The following MUC12 variants were observed in gnomAD, a reference collection of about 807,000 sequenced individuals.
The protein encoded by MUC12 is mucin 12, cell surface associated.
A neutral mutation model predicts 230.8 loss-of-function variants in MUC12; 172 were observed. The ratio of observed to expected loss-of-function variants is 0.75; its 90% CI spans 0.66 to 0.85. The LOEUF (loss-of-function observed/expected upper bound fraction) is 0.85. Among genes scored for constraint, MUC12 ranks in the 40% least tolerant of loss-of-function variants. The pLI is 0.00. For synonymous variants in MUC12, 1,259 were observed against 2,401.9 expected (o/e 0.52, Z 13.91); for missense variants, 3,506 against 5,920.6 (o/e 0.59, Z 13.38).
chr7:101,011,843 A>G (rs1793843280), intron 5 of MUC12, among the ~76,000 whole-genome samples: 1 of 152,224 alleles, frequency 6.6e-6, no homozygotes, highest in African/African-American at 2.4e-5. Flanking sequence ...TAATGCTACT[A>G]AAAACACAAG....
Position 100,992,285 on chromosome 7 carries a change from T to C in MUC12, c.1722T>C (p.Gly574=). The change falls in exon 2 of 12, where the codon GGT becomes GGC. Residue 574 remains glycine, a synonymous_variant. Coordinates refer to ENST00000536621, the MANE Select transcript of MUC12 (RefSeq NM_001164462.2). ...GCAGTACCACAGCATCATCCCTTGGTCCAGAATATACTACCTTCCACAGCC... is the reference window on the plus strand; with the variant it reads ...GCAGTACCACAGCATCATCCCTTGGCCCAGAATATACTACCTTCCACAGCC... ...SPGSTTASSL[G]PEYTTFHSRP... 6.5e-7 allele frequency: 1 copy of C among 1,536,860 alleles called. No homozygotes were observed. Among genetic ancestry groups the C allele is most frequent in the Non-Finnish European group, 8.7e-7 (1 of 1,146,224 alleles).
intron 1 of MUC12, among the ~76,000 whole-genome samples, chr7:100,978,997 T>TG (rs1181058235): frequency 6.6e-6 from 1 of 152,076 alleles, no homozygotes; most frequent in Non-Finnish European, 1.5e-5. Context: ...TTTGTACAGA[T>TG]GGGGGTCTCG....
chr7:100,981,400 G>T, intron 1 of MUC12: 1 of 643,148 alleles, frequency 1.6e-6, no homozygotes, highest in Non-Finnish European at 2.8e-6. Flanking sequence ...GGTGGAGTTT[G>T]CTAGCCCAGG....
At chr7:101,017,736 A>ACTCCCTTCTCCCCCTGGGC in intron 11 of MUC12, 73 bp downstream of exon 11, 1 of 976,092 alleles carries the variant, frequency 1.0e-6, no homozygotes, top group Non-Finnish European at 1.4e-6. Flanking sequence ...TTCCCCCGGG[A>ACTCCCTTCTCCCCCTGGGC]CTCCCTTCTC....
Position 100,995,600 on chromosome 7 carries a change from T to C in MUC12, c.5037T>C (p.Ser1679=), listed in dbSNP as rs1487731947. The change falls in exon 2 of 12, where the codon TCT becomes TCC. Residue 1679 remains serine (S), a synonymous_variant. Coordinates refer to ENST00000536621, the MANE Select transcript of MUC12 (RefSeq NM_001164462.2). Reference sequence around the variant, plus strand: ...ACACAACACTGTCCCCTGCCGGCTCTACAACACGTCAGGGAGAATCTACCA... The same window carrying C: ...ACACAACACTGTCCCCTGCCGGCTCCACAACACGTCAGGGAGAATCTACCA... ...SPHTTLSPAG[S]TTRQGESTTF... is the part of the protein sequence containing the mutation. The C allele has an allele frequency of 6.5e-7, 1 of 1,536,708 alleles. No homozygotes were observed. The highest frequency in any genetic ancestry group is 2.0e-5 in the Admixed American group (1 of 50,946).
chr7:101,008,768 C>T lies in MUC12; in HGVS notation c.15186+7C>T. The T allele has an allele frequency of 6.5e-7, 1 of 1,536,026 alleles. No individual in the cohort carries two copies. Among genetic ancestry groups the T allele is most frequent in the Non-Finnish European group, 8.7e-7 (1 of 1,146,292 alleles). ...TACCCTCTTCAAGAATCGGGTAAGA[C>T]CAGGGCACACCCAGACACCCCAGGG... On this transcript the variant is annotated splice_region_variant and intron_variant, in intron 4 of 11. Transcript: ENST00000536621.
chr7:100,971,606 C>T (rs1385525437), intron 1 of MUC12, among the ~76,000 whole-genome samples: 1 of 152,308 alleles, frequency 6.6e-6, no homozygotes, highest in African/African-American at 2.4e-5. Context: ...CAGGGAGGAG[C>T]TGATGGGAGA....
chr7:100,992,278 C>T lies in MUC12; in HGVS notation c.1715C>T (p.Ser572Phe), dbSNP rs1225668438. Residue 572 changes from serine to phenylalanine, a missense_variant, in exon 2 of 12, where the codon TCC becomes TTC. Ser to Phe is a radical substitution (Grantham distance 155, BLOSUM62 -2). Transcript: ENST00000536621. Reference protein sequence around the residue: ...TLSPGSTTASSLGPEYTTFHS... With the variant: ...TLSPGSTTASFLGPEYTTFHS... Reference sequence around the variant, plus strand: ...TCCCCTGGCAGTACCACAGCATCATCCCTTGGTCCAGAATATACTACCTTC... The same window carrying T: ...TCCCCTGGCAGTACCACAGCATCATTCCTTGGTCCAGAATATACTACCTTC... The T allele has an allele frequency of 3.3e-6, 5 of 1,536,874 alleles. No individual in the cohort carries two copies. The highest frequency in any genetic ancestry group is 1.7e-6 in the Non-Finnish European group (2 of 1,146,256).
At position 101,004,311 on chromosome 7, in the gene MUC12, C is replaced by A. The variant is rs775027722; in HGVS notation, c.13748C>A (p.Ala4583Glu). 9.4e-7 allele frequency: 1 copy of A among 1,065,264 alleles called. No individual in the cohort carries two copies. 66.0% of individuals were successfully genotyped at this position (1,065,264 alleles called of 1,614,324 possible). The change falls in exon 2 of 12, where the codon GCA becomes GAA. Residue 4583 changes from alanine to glutamate, a missense_variant. Coordinates refer to ENST00000536621, the MANE Select transcript of MUC12 (RefSeq NM_001164462.2). ...ESTTVHSSPV[A>E]TATTPSPARS... is the part of the protein sequence containing the mutation. The stretch of plus-strand genomic sequence containing the variant: ...ACAACAGTCCACAGCAGCCCAGTTG[C>A]AACTGCAACAACACCCTCGCCTGCC...
At chr7:100,984,571 T>TA (rs1793160259) in intron 1 of MUC12, among the ~76,000 whole-genome samples, 2 of 152,106 alleles carry the variant, frequency 1.3e-5, no homozygotes, top group Admixed American at 6.5e-5. Context: ...TTCATCTTTT[T>TA]ATGTGTTTTT....
intron 1 of MUC12, among the ~76,000 whole-genome samples, chr7:100,988,289 GAAAA>G (rs1167163725): frequency 3.8e-5 from 3 of 78,732 alleles, no homozygotes; most frequent in Admixed American, 1.5e-4. Context: ...GGCTGTCCCA[GAAAA>G]AAAAAAAAAA....
rs958372271 is a variant in MUC12, at chr7:100,971,803, T to C, written c.67+2114T>C. ...CTAGCAGATCTCTGTAGTCAGATTATTCAAGGAGAGGGTGATGGAGGTGAT... is the reference window on the plus strand; with the variant it reads ...CTAGCAGATCTCTGTAGTCAGATTACTCAAGGAGAGGGTGATGGAGGTGAT... On this transcript the variant is annotated intron_variant, in intron 1 of 11. Transcript: ENST00000536621. Among the ~76,000 whole-genome samples the C allele has an allele frequency of 9.2e-5, 14 of 152,306 alleles. No individual in the cohort carries two copies. In the East Asian group the frequency reaches 1.2e-3, roughly 13 times the overall value.
chr7:101,016,303 T>C (rs1306911664), intron 10 of MUC12, among the ~76,000 whole-genome samples: 1 of 151,858 alleles, frequency 6.6e-6, no homozygotes, highest in African/African-American at 2.4e-5. Context: ...TTGAGGGGCT[T>C]TGGCCGCCCA....
chr7:101,013,233 G>A, intron 8 of MUC12, 91 bp downstream of exon 8: 3 of 1,442,066 alleles, frequency 2.1e-6, no homozygotes, highest in South Asian at 2.6e-5. Context: ...GGGGGATTGA[G>A]TAGAGCTTGG....
Position 100,993,646 on chromosome 7 carries a change from C to T in MUC12, c.3083C>T (p.Thr1028Ile), listed in dbSNP as rs1793396165. The change falls in exon 2 of 12, where the codon ACT becomes ATT. Residue 1028 changes from threonine to isoleucine, a missense_variant. Coordinates refer to ENST00000536621, the MANE Select transcript of MUC12 (RefSeq NM_001164462.2). ...ACCTACCACCGCAGCCCAGGCTCGA[C>T]TCCAACAACACACTTCCCTGCCAGC... ...STTYHRSPGS[T>I]PTTHFPASST... The T allele has an allele frequency of 8.9e-7, 1 of 1,117,612 alleles. No homozygotes were observed. Among genetic ancestry groups the T allele is most frequent in the South Asian group, 1.4e-5 (1 of 70,360 alleles). 69.2% of individuals were successfully genotyped at this position (1,117,612 alleles called of 1,614,324 possible).
intron 1 of MUC12, among the ~76,000 whole-genome samples, chr7:100,979,205 G>A (rs1793070241): frequency 6.6e-6 from 1 of 152,148 alleles, no homozygotes; most frequent in Non-Finnish European, 1.5e-5. Flanking sequence ...TTCATTTAAT[G>A]AGATACCATG....
At position 100,990,774 on chromosome 7, in the gene MUC12, A is replaced by G. The variant is rs1180776921; in HGVS notation, c.211A>G (p.Ser71Gly). 1 of 1,537,850 alleles carries G rather than the reference A, an allele frequency of 6.5e-7. No individual in the cohort carries two copies. Among genetic ancestry groups the G allele is most frequent in the Non-Finnish European group, 8.7e-7 (1 of 1,147,056 alleles). Reference protein sequence around the residue: ...GSTATKHFLDSSTNSGHSEES... With the variant: ...GSTATKHFLDGSTNSGHSEES... ...AACTGCAACAAAACACTTCCTTGAC[A>G]GCTCCACAAACTCAGGCCACAGTGA... The change falls in exon 2 of 12, where the codon AGC becomes GGC. Residue 71 changes from serine to glycine, a missense_variant. Ser to Gly is a moderately conservative substitution (Grantham distance 56, BLOSUM62 0). Coordinates refer to ENST00000536621, the MANE Select transcript of MUC12 (RefSeq NM_001164462.2).
At position 101,004,774 on chromosome 7, in the gene MUC12, A is replaced by T; in HGVS notation, c.14211A>T (p.Lys4737Asn). ...CCACAACACCAGGCCTCAGTGCAAA[A>T]TCTACCATCCTTTACAGTAGCTCCA... ...STATTPGLSA[K>N]STILYSSSRS... Residue 4737 changes from lysine (K) to asparagine (N), a missense_variant, in exon 2 of 12, where the codon AAA becomes AAT. Physicochemically the swap from Lys to Asn is moderately conservative, Grantham distance 94. Transcript: ENST00000536621. The T allele has an allele frequency of 1.3e-6, 2 of 1,537,776 alleles. No homozygotes were observed. The highest frequency in any genetic ancestry group is 1.7e-6 in the Non-Finnish European group (2 of 1,147,036).
At position 101,005,209 on chromosome 7, in the gene MUC12, T is replaced by A; in HGVS notation, c.14646T>A (p.Pro4882=). 6.5e-7 allele frequency: 1 copy of A among 1,537,850 alleles called. No homozygotes were observed. Among genetic ancestry groups the A allele is most frequent in the Non-Finnish European group, 8.7e-7 (1 of 1,147,046 alleles). ...SIHSQQSTPF[P]DSPGFTHTVL... ...ATAGTCAACAATCTACACCCTTCCC[T>A]GACAGCCCAGGCTTCACTCACACAG... The change falls in exon 2 of 12, where the codon CCT becomes CCA. Residue 4882 remains proline (P), a synonymous_variant. Coordinates refer to ENST00000536621, the MANE Select transcript of MUC12 (RefSeq NM_001164462.2).
Sources: gnomAD v4.1 joint callset for allele counts (sites outside exome capture counted in the v4.1 genomes callset) on GRCh38, gnomAD v4.1.1 for gene constraint, MANE v1.5 for transcripts, NCBI Gene and HGNC (gene_info 2026-07-23, HGNC 2026-07-21) for gene names.